Variants in SAMD3 observed in about 807,000 individuals in gnomAD.
The protein encoded by SAMD3 is sterile alpha motif domain-containing protein 3.
In SAMD3, 63 loss-of-function variants were observed where a neutral mutation model predicts 58.5. The ratio of observed to expected loss-of-function variants is 1.08; its 90% CI spans 0.88 to 1.33. The LOEUF (loss-of-function observed/expected upper bound fraction) is 1.33, where lower values mean the gene tolerates loss of function less well. Among genes scored for constraint, SAMD3 ranks in the 40% most tolerant of loss-of-function variants. The pLI, the probability that SAMD3 is intolerant of heterozygous loss-of-function variation, is 0.00. For missense variants in SAMD3, 604 were observed against 608.4 expected (o/e 0.99, Z 0.08); for synonymous variants, 220 against 210.3 (o/e 1.05, Z -0.40).
chr6:130,313,985 A>G (rs1776273830), intron 1 of SAMD3, among the ~76,000 whole-genome samples: 1 of 152,118 alleles, frequency 6.6e-6, no homozygotes, highest in Non-Finnish European at 1.5e-5. Context: ...TTGTAGATTT[A>G]TGGCTTTTAA....
chr6:130,211,860 A>G (rs1226155759), intron 4 of SAMD3, among the ~76,000 whole-genome samples: 6 of 150,684 alleles, frequency 4.0e-5, no homozygotes, highest in Non-Finnish European at 8.8e-5. Context: ...GGCAATCACT[A>G]GCCATTAAAG....
At chr6:130,185,787 T>C (rs553516724) in intron 5 of SAMD3, among the ~76,000 whole-genome samples, 1 of 152,084 alleles carries the variant, frequency 6.6e-6, no homozygotes, top group South Asian at 2.1e-4. Flanking sequence ...CGTGCCACCA[T>C]GCCCAGCCAA....
intron 1 of SAMD3, among the ~76,000 whole-genome samples, chr6:130,317,275 G>C (rs1221499810): frequency 6.6e-6 from 1 of 152,206 alleles, no homozygotes; most frequent in Non-Finnish European, 1.5e-5. Context: ...TCCAGATTTA[G>C]ATGAACTGAT....
intron 9 of SAMD3, among the ~76,000 whole-genome samples, chr6:130,149,674 A>G (rs141908319): frequency 3.9e-5 from 6 of 152,308 alleles, no homozygotes; most frequent in African/African-American, 1.4e-4. Flanking sequence ...GTACACATGG[A>G]CACAAAGAAG....
intron 2 of SAMD3, among the ~76,000 whole-genome samples, chr6:130,244,107 T>C (rs1200430690): frequency 6.6e-6 from 1 of 152,240 alleles, no homozygotes; most frequent in East Asian, 1.9e-4. Context: ...AATTTGTTCC[T>C]AGCAAGTAGA....
chr6:130,346,155 G>A (rs1379916171), intron 1 of SAMD3, among the ~76,000 whole-genome samples: 2 of 152,250 alleles, frequency 1.3e-5, no homozygotes, highest in Non-Finnish European at 2.9e-5. Flanking sequence ...TGACGCAGAA[G>A]ATGGGTGATT....
chr6:130,172,418 C>T (rs1199300730), intron 8 of SAMD3, among the ~76,000 whole-genome samples: 1 of 152,202 alleles, frequency 6.6e-6, no homozygotes, highest in Non-Finnish European at 1.5e-5. Flanking sequence ...CAAAACCCCT[C>T]AGCATTTGCT....
intron 2 of SAMD3, among the ~76,000 whole-genome samples, chr6:130,295,671 T>C (rs927039622): frequency 6.6e-6 from 1 of 152,276 alleles, no homozygotes; most frequent in East Asian, 1.9e-4. Flanking sequence ...AATTGGCCCA[T>C]ATTAATCAGT....
intron 2 of SAMD3, among the ~76,000 whole-genome samples, chr6:130,260,249 A>G (rs1583018871): frequency 1.3e-5 from 2 of 152,364 alleles, no homozygotes; most frequent in South Asian, 4.1e-4. Context: ...ACCTGAAACC[A>G]GGCCTGGGCC....
At chr6:130,295,612 C>A (rs1175716589) in intron 2 of SAMD3, among the ~76,000 whole-genome samples, 1 of 152,154 alleles carries the variant, frequency 6.6e-6, no homozygotes, top group East Asian at 1.9e-4. Flanking sequence ...TTTAAATGAG[C>A]TTAGGCCTTT....
intron 1 of SAMD3, among the ~76,000 whole-genome samples, chr6:130,344,468 G>A (rs935704423): frequency 9.9e-5 from 15 of 152,166 alleles, no homozygotes; most frequent in African/African-American, 2.7e-4. Flanking sequence ...TGCAACCTCC[G>A]CCTCCCAGGT....
intron 1 of SAMD3, among the ~76,000 whole-genome samples, chr6:130,220,116 C>A (rs1032405814): frequency 6.6e-6 from 1 of 152,194 alleles, no homozygotes. Context: ...ATTCTTTTGC[C>A]TCAGCCTCCT....
chr6:130,318,460 ACT>A (rs1366178074), intron 1 of SAMD3, among the ~76,000 whole-genome samples: 1 of 152,106 alleles, frequency 6.6e-6, no homozygotes, highest in African/African-American at 2.4e-5. Context: ...ACAAAGTCTC[ACT>A]CTGTCGCCCA....
intron 5 of SAMD3, among the ~76,000 whole-genome samples, chr6:130,190,869 A>G (rs780080241): frequency 5.3e-5 from 8 of 152,034 alleles, no homozygotes; most frequent in Non-Finnish European, 1.2e-4. Context: ...ACCAAGACAT[A>G]GTTGAAGGTC....
chr6:130,294,269 AG>A (rs1775481807), intron 2 of SAMD3, among the ~76,000 whole-genome samples: 1 of 152,238 alleles, frequency 6.6e-6, no homozygotes, highest in Non-Finnish European at 1.5e-5. Flanking sequence ...AGACTTCAAA[AG>A]GCTTTGTTTA....
At chr6:130,219,151 A>G (rs1796119129) in intron 1 of SAMD3, among the ~76,000 whole-genome samples, 1 of 152,162 alleles carries the variant, frequency 6.6e-6, no homozygotes, top group South Asian at 2.1e-4. Context: ...ATTTATATTA[A>G]TCTTTTAAAC....
In SAMD3 at chr6:130,264,078, G is replaced by A. The variant is rs528214116; in HGVS notation, c.-187-41265C>T. Among the ~76,000 whole-genome samples the A allele has an allele frequency of 4.6e-5, 7 of 152,322 alleles. No homozygotes were observed. In the South Asian group the frequency reaches 1.2e-3, roughly 27 times the overall value. ...AATGGATCAAATATTCCATCTGCAT[G>A]TTAAACAAAAGCAATTGTTATGCTT... On this transcript the variant is annotated intron_variant, in intron 2 of 13. Coordinates refer to the SAMD3 transcript ENST00000368134.
rs564506090 is a variant in SAMD3 at position 130,308,592 on chromosome 6, G to T, written c.-188+4386C>A. On this transcript the variant is annotated intron_variant, in intron 2 of 13. Coordinates refer to the SAMD3 transcript ENST00000368134. Reference sequence around the variant, plus strand: ...ATAGATAAAATGAATTTCTGGGCTAGTAAGTATTTTCTAGATAACTAGATT... The same window carrying T: ...ATAGATAAAATGAATTTCTGGGCTATTAAGTATTTTCTAGATAACTAGATT... Among the ~76,000 whole-genome samples the T allele has an allele frequency of 2.0e-5, 3 of 152,040 alleles. No homozygotes were observed. In the South Asian group the frequency reaches 6.2e-4, roughly 32 times the overall value.
In SAMD3 at chr6:130,261,189, C is replaced by T. The variant is rs867244627; in HGVS notation, c.-187-38376G>A. ...GGAAGCGTGGCCTGATCACCCACGG[C>T]GTGCCTTTATCAGCACTTTGGTTTT... On this transcript the variant is annotated intron_variant, in intron 2 of 13. Coordinates refer to the SAMD3 transcript ENST00000368134. Among the ~76,000 whole-genome samples the T allele has an allele frequency of 3.8e-4, 48 of 124,954 alleles. 1 individual carries two copies. The highest frequency in any genetic ancestry group is 1.1e-3 in the African/African-American group (33 of 28,844). 82.0% of individuals were successfully genotyped at this position (124,954 alleles called of 152,430 possible).
Sources: gnomAD v4.1 joint callset for allele counts (sites outside exome capture counted in the v4.1 genomes callset) on GRCh38, gnomAD v4.1.1 for gene constraint, MANE v1.5 for transcripts, NCBI Gene and HGNC (gene_info 2026-07-23, HGNC 2026-07-21) for gene names.